HMBOX1: variants seen among roughly 807,000 people sequenced by gnomAD.
HMBOX1 encodes the protein homeobox-containing protein 1.
A neutral mutation model predicts 54.5 loss-of-function variants in HMBOX1; 14 were observed. The observed-to-expected ratio is 0.26, with a 90% confidence interval of 0.17 to 0.40. The LOEUF is 0.40. Ranked by LOEUF, HMBOX1 falls within the 10% of genes least tolerant of loss-of-function variation. The pLI is 1.00. For missense variants in HMBOX1, 332 were observed against 514.4 expected, an observed-to-expected ratio of 0.65 and a Z score of 3.43; for synonymous variants, 160 against 181.0, an observed-to-expected ratio of 0.88 and a Z score of 0.93.
intron 4 of HMBOX1, among the ~76,000 whole-genome samples, chr8:29,003,555 A>AAAATATATATATATATATATATATATAT (rs1554567241): frequency 1.4e-5 from 1 of 71,312 alleles, no homozygotes; most frequent in Non-Finnish European, 2.7e-5. Context: ...TTCTGTATTA[A>AAAATATATATATATATATATATATATAT]ATATATATAT....
chr8:29,010,278 G>A (rs1834053878), intron 5 of HMBOX1: 3 of 521,362 alleles, frequency 5.8e-6, no homozygotes, highest in Non-Finnish European at 7.4e-6. Flanking sequence ...ATTACCATTT[G>A]GCTGGGCGCA....
intron 1 of HMBOX1, among the ~76,000 whole-genome samples, chr8:28,961,043 C>T (rs1324719659): frequency 2.0e-5 from 3 of 151,806 alleles, no homozygotes; most frequent in Non-Finnish European, 4.4e-5. Context: ...CCTTGGCCTC[C>T]CAAAGTGCTG....
intron 1 of HMBOX1, chr8:28,915,856 G>A (rs1246221403): frequency 1.3e-5 from 2 of 151,984 alleles, no homozygotes; most frequent in African/African-American, 2.4e-5. Context: ...ATGTGACACT[G>A]TGCCTGGCAA....
chr8:28,920,072 G>T (rs1049407257), intron 1 of HMBOX1, among the ~76,000 whole-genome samples: 1 of 152,046 alleles, frequency 6.6e-6, no homozygotes, highest in Non-Finnish European at 1.5e-5. Context: ...AACATTTATT[G>T]TGACAGATGC....
At chr8:28,960,869 C>G (rs1397710155) in intron 1 of HMBOX1, among the ~76,000 whole-genome samples, 1 of 141,470 alleles carries the variant, frequency 7.1e-6, no homozygotes, top group East Asian at 2.3e-4. Context: ...TCACTGCAAC[C>G]TCTGCCTCCC....
intron 4 of HMBOX1, among the ~76,000 whole-genome samples, chr8:28,991,326 C>T (rs1830953192): frequency 6.6e-6 from 1 of 152,188 alleles, no homozygotes; most frequent in Non-Finnish European, 1.5e-5. Context: ...ATTTACTAAC[C>T]ACAAACCAAA....
At chr8:28,893,593 A>G (rs1243419350) in intron 1 of HMBOX1, among the ~76,000 whole-genome samples, 1 of 152,214 alleles carries the variant, frequency 6.6e-6, no homozygotes, top group Non-Finnish European at 1.5e-5. Flanking sequence ...AACAGATTTC[A>G]GTCTTCTAGC....
intron 2 of HMBOX1, 49 bp downstream of exon 2, chr8:28,963,939 A>C: frequency 1.4e-6 from 2 of 1,384,372 alleles, no homozygotes; most frequent in Non-Finnish European, 2.0e-6. Context: ...CATTTTAGTA[A>C]AGTTAAGATG....
At position 28,979,718 on chromosome 8, in the gene HMBOX1, C is replaced by T. The variant is rs149934917; in HGVS notation, c.501-353C>T. Among the ~76,000 whole-genome samples, 1,099 of 152,260 alleles carry T rather than the reference C, an allele frequency of 7.2e-3. 10 individuals carry two copies. Among genetic ancestry groups the T allele is most frequent in the Middle Eastern group, 0.017 (5 of 294 alleles). On this transcript the variant is annotated intron_variant, in intron 3 of 9. Coordinates refer to ENST00000287701, the MANE Select transcript of HMBOX1 (RefSeq NM_001135726.3). Reference sequence around the variant, plus strand: ...CTCTTTATTTTTCTAGGATTTCTGTCTGTGTAAGATATATTCATTCCCCAG... The same window carrying T: ...CTCTTTATTTTTCTAGGATTTCTGTTTGTGTAAGATATATTCATTCCCCAG...
chr8:29,029,787 A>G (rs531876507), intron 6 of HMBOX1, among the ~76,000 whole-genome samples: 2 of 152,358 alleles, frequency 1.3e-5, no homozygotes. Flanking sequence ...CTTAACTTTT[A>G]TGTGGTAAAC....
intron 1 of HMBOX1, among the ~76,000 whole-genome samples, chr8:28,896,290 G>A (rs1812097582): frequency 6.6e-6 from 1 of 152,146 alleles, no homozygotes; most frequent in African/African-American, 2.4e-5. Context: ...TCCCCTATTG[G>A]TTACATCCTA....
intron 8 of HMBOX1, 86 bp downstream of exon 8, chr8:29,047,539 G>T (rs181164621): frequency 1.4e-6 from 1 of 689,730 alleles, no homozygotes. Context: ...TTTAGAAACT[G>T]CAAGTCTAAA....
chr8:28,968,995 G>A (rs1008834724), intron 2 of HMBOX1, among the ~76,000 whole-genome samples: 8 of 152,106 alleles, frequency 5.3e-5, no homozygotes, highest in Non-Finnish European at 4.4e-5. Context: ...CCAACATGTT[G>A]AAACCCCATC....
At chr8:28,963,741 C>T (rs1825982018) in intron 1 of HMBOX1, 70 bp from the exon 2 acceptor site, 2 of 640,458 alleles carry the variant, frequency 3.1e-6, no homozygotes, top group Non-Finnish European at 5.3e-6. Context: ...CCATCAGTTA[C>T]ATAATTAAAA....
intron 6 of HMBOX1, among the ~76,000 whole-genome samples, chr8:29,028,844 A>G (rs765238516): frequency 3.7e-4 from 56 of 152,182 alleles, no homozygotes; most frequent in Non-Finnish European, 7.6e-4. Flanking sequence ...GCTCTTTTAT[A>G]GCAATCTCTG....
chr8:29,028,080 CA>C (rs1476397592), intron 6 of HMBOX1, among the ~76,000 whole-genome samples: 7 of 152,106 alleles, frequency 4.6e-5, no homozygotes, highest in Non-Finnish European at 1.0e-4. Flanking sequence ...GTCTCCAAAA[CA>C]GCTTTAAAAA....
intron 6 of HMBOX1, among the ~76,000 whole-genome samples, chr8:29,020,013 T>C (rs955538445): frequency 3.3e-5 from 5 of 152,334 alleles, no homozygotes; most frequent in Non-Finnish European, 4.4e-5. Context: ...CTCTTTATTA[T>C]AGATAAGAGC....
intron 6 of HMBOX1, among the ~76,000 whole-genome samples, chr8:29,026,020 C>T (rs1028771259): frequency 6.7e-6 from 1 of 149,348 alleles, no homozygotes; most frequent in Non-Finnish European, 1.5e-5. Flanking sequence ...AGACTGTCCA[C>T]AAACTACCTA....
intron 1 of HMBOX1, among the ~76,000 whole-genome samples, chr8:28,948,457 A>C (rs764879667): frequency 4.6e-5 from 7 of 152,152 alleles, no homozygotes; most frequent in Non-Finnish European, 8.8e-5. Flanking sequence ...TTTAAAGATG[A>C]TATTCTGTGA....
Sources: gnomAD v4.1 joint callset for allele counts (sites outside exome capture counted in the v4.1 genomes callset) on GRCh38, gnomAD v4.1.1 for gene constraint, MANE v1.5 for transcripts, NCBI Gene and HGNC (gene_info 2026-07-23, HGNC 2026-07-21) for gene names.